The following B4GALT1 variants were observed in gnomAD, a reference collection of about 807,000 sequenced individuals.
The protein encoded by B4GALT1 is beta-1,4-galactosyltransferase 1, also known as N-acetyllactosamine synthase.
In B4GALT1, 16 loss-of-function variants were observed where a neutral mutation model predicts 34.9. That is an observed-to-expected ratio of 0.46 (90% CI 0.31 to 0.70). B4GALT1 has a LOEUF of 0.70. B4GALT1 is among the 30% of genes least tolerant of loss of function. The pLI is 0.05. For synonymous variants in B4GALT1, 221 were observed against 218.1 expected, an observed-to-expected ratio of 1.01 and a Z score of -0.12; for missense variants, 445 against 530.5, an observed-to-expected ratio of 0.84 and a Z score of 1.58.
chr9:33,121,955 T>C (rs1159178181), intron 2 of B4GALT1, among the ~76,000 whole-genome samples: 3 of 152,124 alleles, frequency 2.0e-5, no homozygotes, highest in African/African-American at 7.2e-5. Context: ...AGGACAAACC[T>C]AGCACTGACA....
At chr9:33,130,411 G>A (rs76078929) in intron 2 of B4GALT1, among the ~76,000 whole-genome samples, 1,572 of 151,446 alleles carry the variant, frequency 0.01, 31 homozygotes, top group African/African-American at 0.036. Context: ...TGAAATCCAC[G>A]TCTCAGAGTA....
downstream of B4GALT1, among the ~76,000 whole-genome samples, chr9:33,109,347 T>C (rs1839829045): frequency 6.6e-6 from 1 of 152,250 alleles, no homozygotes; most frequent in South Asian, 2.1e-4. Context: ...CCTTGCCCTA[T>C]GCATCTCTCC....
intron 1 of B4GALT1, among the ~76,000 whole-genome samples, chr9:33,153,855 T>C (rs959734397): frequency 2.6e-5 from 4 of 152,034 alleles, no homozygotes; most frequent in East Asian, 1.9e-4. Flanking sequence ...TACTCATTTT[T>C]TGAGGCAGTA....
chr9:33,131,446 G>C (rs1037646243), intron 2 of B4GALT1, among the ~76,000 whole-genome samples: 1 of 152,168 alleles, frequency 6.6e-6, no homozygotes, highest in African/African-American at 2.4e-5. Context: ...TGCTGTAAGC[G>C]GAAGGTTGTG....
upstream of B4GALT1, among the ~76,000 whole-genome samples, chr9:33,167,862 C>G (rs1840795267): frequency 1.3e-5 from 2 of 152,338 alleles, no homozygotes; most frequent in African/African-American, 4.8e-5. Context: ...GTGGCACGTT[C>G]GAAACCCCCT....
chr9:33,120,206 A>T (rs1969976), intron 3 of B4GALT1, among the ~76,000 whole-genome samples: 1 of 151,018 alleles, frequency 6.6e-6, no homozygotes, highest in East Asian at 1.9e-4. Context: ...AAAAAAAAAA[A>T]GGGGGGAAAA....
Position 33,152,038 on chromosome 9 carries a change from C to T in B4GALT1, c.412+14720G>A, listed in dbSNP as rs117054212. 5.1e-3 allele frequency among the ~76,000 whole-genome samples: 779 copies of T among 152,250 alleles called. 3 individuals carry two copies. Among genetic ancestry groups the T allele is most frequent in the Non-Finnish European group, 7.2e-3 (493 of 68,034 alleles). ...ACACATAAAAATTCAAAACTTCTGG[C>T]CGAGTGCAGTGGCTCACGCCTGTAA... On this transcript the variant is annotated intron_variant, in intron 1 of 5. Coordinates refer to ENST00000379731, the MANE Select transcript of B4GALT1 (RefSeq NM_001497.4).
intron 1 of B4GALT1, among the ~76,000 whole-genome samples, chr9:33,160,613 A>G (rs112548980): frequency 0.18 from 27,267 of 152,026 alleles, 3,092 homozygotes; most frequent in Admixed American, 0.26. Flanking sequence ...CAAAAAATAC[A>G]AAAATTAGTC....
intron 1 of B4GALT1, among the ~76,000 whole-genome samples, chr9:33,154,695 A>G (rs1670439641): frequency 6.6e-6 from 1 of 152,130 alleles, no homozygotes; most frequent in South Asian, 2.1e-4. Context: ...ATTCATCTTG[A>G]CTTTTGATTT....
At chr9:33,164,673 G>A (rs1031224083) in intron 1 of B4GALT1, among the ~76,000 whole-genome samples, 27 of 152,296 alleles carry the variant, frequency 1.8e-4, no homozygotes, top group African/African-American at 5.8e-4. Flanking sequence ...GTATGGTCAC[G>A]ACCTTGTCTC....
chr9:33,117,009 G>A (rs1180560518), intron 3 of B4GALT1, among the ~76,000 whole-genome samples: 1 of 152,182 alleles, frequency 6.6e-6, no homozygotes, highest in Non-Finnish European at 1.5e-5. Flanking sequence ...AGTGACAAGA[G>A]CAGGCCTAGG....
chr9:33,169,621 A>G (rs893189284), upstream of B4GALT1, among the ~76,000 whole-genome samples: 2 of 151,312 alleles, frequency 1.3e-5, no homozygotes, highest in African/African-American at 4.9e-5. Flanking sequence ...CCCGGGTTCA[A>G]GCGATTCTCC....
chr9:33,123,277 CAAAAAAAAAAAAAAAA>C (rs72342632), intron 2 of B4GALT1, among the ~76,000 whole-genome samples: 1 of 85,708 alleles, frequency 1.2e-5, no homozygotes, highest in Admixed American at 1.6e-4. Context: ...GACACTGTCT[CAAAAAAAAAAAAAAAA>C]AAAAAAAAGT....
At chr9:33,149,563 A>C (rs1840480449) in intron 1 of B4GALT1, among the ~76,000 whole-genome samples, 1 of 152,154 alleles carries the variant, frequency 6.6e-6, no homozygotes, top group Non-Finnish European at 1.5e-5. Context: ...GGGATTACAG[A>C]CATGAGCTAC....
At chr9:33,123,006 C>T (rs931507210) in intron 2 of B4GALT1, among the ~76,000 whole-genome samples, 2 of 151,966 alleles carry the variant, frequency 1.3e-5, no homozygotes, top group Non-Finnish European at 2.9e-5. Flanking sequence ...TTGCCGGGCA[C>T]AGTGGCTCAC....
At chr9:33,152,287 G>C (rs1840527947) in intron 1 of B4GALT1, among the ~76,000 whole-genome samples, 1 of 151,406 alleles carries the variant, frequency 6.6e-6, no homozygotes, top group Admixed American at 6.6e-5. Context: ...CTGGGCGACA[G>C]AGCAAGACTC....
chr9:33,175,021 A>ATATATAT, the B4GALT1 span, among the ~76,000 whole-genome samples: 24 of 58,582 alleles, frequency 4.1e-4, no homozygotes, highest in Non-Finnish European at 6.1e-4. Context: ...ATATATATAT[A>ATATATAT]AAATTGGAGG....
At chr9:33,163,401 TGAAGAG>T (rs1218113995) in intron 1 of B4GALT1, among the ~76,000 whole-genome samples, 1 of 152,166 alleles carries the variant, frequency 6.6e-6, no homozygotes, top group Non-Finnish European at 1.5e-5. Flanking sequence ...TTTGAACAAA[TGAAGAG>T]GATCTCCTCA....
upstream of B4GALT1, among the ~76,000 whole-genome samples, chr9:33,170,962 A>G (rs1482611375): frequency 6.6e-6 from 1 of 152,224 alleles, no homozygotes; most frequent in African/African-American, 2.4e-5. Context: ...CCATGTGCTC[A>G]TCTGCCCAGA....
Sources: allele counts gnomAD v4.1 joint callset (sites outside exome capture counted in the v4.1 genomes callset), GRCh38; gene constraint gnomAD v4.1.1; transcripts MANE v1.5; gene names NCBI Gene and HGNC (gene_info 2026-07-23, HGNC 2026-07-21).